The following RIMS1 variants were observed in gnomAD, a reference collection of about 807,000 sequenced individuals.
RIMS1 encodes the protein regulating synaptic membrane exocytosis 1.
A neutral mutation model predicts 214.1 loss-of-function variants in RIMS1; 83 were observed. The observed-to-expected ratio is 0.39, with a 90% CI of 0.32 to 0.47. The LOEUF (loss-of-function observed/expected upper bound fraction) is 0.47, where lower values mean the gene tolerates loss of function less well. RIMS1 is among the 20% of genes least tolerant of loss of function. The probability of loss-of-function intolerance (pLI) is 0.99; values close to 1 mark genes in which losing one functional copy is unlikely to be tolerated. For synonymous variants in RIMS1, 793 were observed against 786.8 expected (o/e 1.01, Z -0.13); for missense variants, 2,050 against 2,161.8 (o/e 0.95, Z 1.03).
In RIMS1 at chr6:72,312,288, A is replaced by G. The variant is rs916716714; in HGVS notation, c.3964-1218A>G. On this transcript the variant is annotated intron_variant, in intron 27 of 33. Coordinates refer to ENST00000521978, the MANE Select transcript of RIMS1 (RefSeq NM_014989.7). The stretch of plus-strand genomic sequence containing the variant: ...AAAATTAAATTGCTTGCTAAGAAAC[A>G]AACACCCATATGTTATTTTGTTTTA... Among the ~76,000 whole-genome samples the G allele has an allele frequency of 3.3e-5, 5 of 152,194 alleles. No homozygotes were observed. In the East Asian group the frequency reaches 9.6e-4, roughly 29 times the overall value.
At chr6:71,969,551 G>A (rs748166427) in intron 2 of RIMS1, among the ~76,000 whole-genome samples, 3 of 152,152 alleles carry the variant, frequency 2.0e-5, no homozygotes, top group Non-Finnish European at 2.9e-5. Flanking sequence ...GCTCATGCCC[G>A]TAATCCCAGC....
At chr6:72,253,510 G>C (rs2074378057) in intron 16 of RIMS1, among the ~76,000 whole-genome samples, 1 of 151,994 alleles carries the variant, frequency 6.6e-6, no homozygotes, top group South Asian at 2.1e-4. Context: ...TTACTTTCTT[G>C]GCACTAATTC....
At chr6:71,889,250 T>C (rs1298420226) in intron 1 of RIMS1, among the ~76,000 whole-genome samples, 1 of 152,064 alleles carries the variant, frequency 6.6e-6, no homozygotes, top group East Asian at 1.9e-4. Flanking sequence ...GGATTTTAAG[T>C]GGGAGTGGGT....
At chr6:72,065,940 A>T (rs1157174097) in intron 2 of RIMS1, among the ~76,000 whole-genome samples, 1 of 151,870 alleles carries the variant, frequency 6.6e-6, no homozygotes, top group Non-Finnish European at 1.5e-5. Flanking sequence ...AAAAAAAAAA[A>T]GGAATTTTGG....
At position 72,159,502 on chromosome 6, in the gene RIMS1, G is replaced by A. The variant is rs555676197; in HGVS notation, c.472-20073G>A. ...TGAATGGTATTGCCTACGTTTTCTTGTAGGGTTTTTATGGTTCTAGGTCTA... is the reference window on the plus strand; with the variant it reads ...TGAATGGTATTGCCTACGTTTTCTTATAGGGTTTTTATGGTTCTAGGTCTA... On this transcript the variant is annotated intron_variant, in intron 4 of 33. Coordinates refer to ENST00000521978, the MANE Select transcript of RIMS1 (RefSeq NM_014989.7). 1.2e-4 allele frequency among the ~76,000 whole-genome samples: 17 copies of A among 140,836 alleles called. 4 individuals carry two copies. Among genetic ancestry groups the A allele is most frequent in the East Asian group, 4.0e-4 (2 of 4,950 alleles). 92.4% of individuals were successfully genotyped at this position (140,836 alleles called of 152,430 possible).
intron 4 of RIMS1, among the ~76,000 whole-genome samples, chr6:72,167,250 T>C (rs1257053110): frequency 6.6e-6 from 1 of 151,926 alleles, no homozygotes; most frequent in Non-Finnish European, 1.5e-5. Flanking sequence ...TATATATATT[T>C]CCATTGCTAG....
At chr6:72,329,626 C>G (rs1185763418) in intron 28 of RIMS1, among the ~76,000 whole-genome samples, 1 of 150,198 alleles carries the variant, frequency 6.7e-6, no homozygotes, top group Non-Finnish European at 1.5e-5. Flanking sequence ...CAAAATTTTA[C>G]ACTTCTGTAG....
intron 28 of RIMS1, among the ~76,000 whole-genome samples, chr6:72,318,834 G>C (rs955112645): frequency 1.3e-5 from 2 of 152,042 alleles, no homozygotes; most frequent in Non-Finnish European, 2.9e-5. Context: ...TTTAGTTCTC[G>C]TTTGGTTTTT....
At chr6:72,360,051 G>C (rs2097769853) in intron 29 of RIMS1, among the ~76,000 whole-genome samples, 1 of 152,156 alleles carries the variant, frequency 6.6e-6, no homozygotes. Flanking sequence ...TAATTGGAGT[G>C]ATTGGGCTAA....
At chr6:72,198,692 G>A (rs1443499245) in intron 6 of RIMS1, among the ~76,000 whole-genome samples, 1 of 151,870 alleles carries the variant, frequency 6.6e-6, no homozygotes, top group East Asian at 1.9e-4. Context: ...CAATAAATAC[G>A]TGAGATAATG....
intron 4 of RIMS1, among the ~76,000 whole-genome samples, chr6:72,115,465 G>A (rs1052900277): frequency 1.3e-5 from 2 of 151,834 alleles, no homozygotes; most frequent in Non-Finnish European, 2.9e-5. Context: ...ATCTAGGTTT[G>A]TCAATGCTCT....
chr6:72,175,525 T>C (rs1446773797), intron 4 of RIMS1, among the ~76,000 whole-genome samples: 1 of 151,886 alleles, frequency 6.6e-6, no homozygotes. Flanking sequence ...ATACAAAAAT[T>C]AGCTGGGCGT....
intron 28 of RIMS1, among the ~76,000 whole-genome samples, chr6:72,331,589 A>G (rs2096659706): frequency 6.6e-6 from 1 of 151,876 alleles, no homozygotes; most frequent in Admixed American, 6.6e-5. Flanking sequence ...GTATTAGATA[A>G]TGCATTCAAA....
chr6:72,269,255 A>G (rs1177605218), intron 22 of RIMS1, among the ~76,000 whole-genome samples: 3 of 152,034 alleles, frequency 2.0e-5, no homozygotes, highest in Admixed American at 2.0e-4. Context: ...CCACCCTGTC[A>G]CTTGAATCTC....
chr6:71,922,969 T>TA (rs112821612), intron 1 of RIMS1, among the ~76,000 whole-genome samples: 6,184 of 152,058 alleles, frequency 0.041, 409 homozygotes, highest in African/African-American at 0.14. Flanking sequence ...AACGATAGCT[T>TA]AAAAAAAATT....
At chr6:72,076,622 T>C (rs947512515) in intron 2 of RIMS1, among the ~76,000 whole-genome samples, 1 of 152,118 alleles carries the variant, frequency 6.6e-6, no homozygotes, top group Non-Finnish European at 1.5e-5. Context: ...TTAAAGGAGG[T>C]AGAGTAATTT....
At chr6:72,058,182 G>A (rs1210854251) in intron 2 of RIMS1, among the ~76,000 whole-genome samples, 3 of 152,178 alleles carry the variant, frequency 2.0e-5, no homozygotes, top group South Asian at 2.1e-4. Context: ...ACTTCACAGC[G>A]TGACTTTCTG....
chr6:72,113,603 G>A (rs1406509002), intron 4 of RIMS1, among the ~76,000 whole-genome samples: 1 of 151,988 alleles, frequency 6.6e-6, no homozygotes, highest in African/African-American at 2.4e-5. Flanking sequence ...TCTAGAATAA[G>A]CAGCAAAAAA....
intron 1 of RIMS1, among the ~76,000 whole-genome samples, chr6:71,956,666 T>C (rs1274673399): frequency 6.6e-6 from 1 of 152,186 alleles, no homozygotes; most frequent in Non-Finnish European, 1.5e-5. Context: ...TCATAAAAGC[T>C]GAGGGTATAA....
Sources: gnomAD v4.1 joint callset for allele counts (sites outside exome capture counted in the v4.1 genomes callset) on GRCh38, gnomAD v4.1.1 for gene constraint, MANE v1.5 for transcripts, NCBI Gene and HGNC (gene_info 2026-07-23, HGNC 2026-07-21) for gene names.